CRYM: variants seen among roughly 807,000 people sequenced by gnomAD.
The protein encoded by CRYM is crystallin mu, also known as ketimine reductase mu-crystallin.
Under a neutral mutation model 32.9 loss-of-function variants are expected in CRYM, and 18 were observed. The observed-to-expected ratio is 0.55, with a 90% CI of 0.38 to 0.81. CRYM has a LOEUF of 0.81. CRYM is among the 30% of genes least tolerant of loss of function. The pLI, the probability that CRYM is intolerant of heterozygous loss-of-function variation, is 0.00. For synonymous variants in CRYM, 153 were observed against 152.4 expected (o/e 1.00, Z -0.03); for missense variants, 337 against 393.5 (o/e 0.86, Z 1.21).
upstream of CRYM, among the ~76,000 whole-genome samples, chr16:21,279,903 A>AAG (rs958676039): frequency 6.6e-6 from 1 of 151,552 alleles, no homozygotes; most frequent in Non-Finnish European, 1.5e-5. Flanking sequence ...CTGAGAGAGA[A>AAG]AGAGAGAGAG....
At chr16:21,261,208 C>A (rs1237572081) in intron 7 of CRYM, 46 bp downstream of exon 7, 1 of 1,454,880 alleles carries the variant, frequency 6.9e-7, no homozygotes, top group South Asian at 1.1e-5. Context: ...GGTGAACCTG[C>A]CTTGTGCGCT....
At chr16:21,274,642 T>G (rs2260482) in intron 3 of CRYM, among the ~76,000 whole-genome samples, 40,756 of 152,002 alleles carry the variant, frequency 0.27, 5,899 homozygotes, top group African/African-American at 0.36. Flanking sequence ...CACTCACTCT[T>G]TTGCCCAGGC....
intron 1 of CRYM, among the ~76,000 whole-genome samples, chr16:21,294,106 G>C (rs550311253): frequency 6.6e-6 from 1 of 152,244 alleles, no homozygotes; most frequent in African/African-American, 2.4e-5. Flanking sequence ...ATTTTGTCAG[G>C]ACTATGGAAA....
upstream of CRYM, chr16:21,278,299 T>A: frequency 1.3e-6 from 2 of 1,546,838 alleles, no homozygotes; most frequent in South Asian, 2.4e-5. Flanking sequence ...GCGATCCACG[T>A]ACCCTCGGCT....
chr16:21,259,395 A>G (rs1337282866), intron 7 of CRYM, among the ~76,000 whole-genome samples: 1 of 152,000 alleles, frequency 6.6e-6, no homozygotes, highest in Admixed American at 6.6e-5. Flanking sequence ...GGCATGAGCC[A>G]CCACGCCTGG....
Position 21,278,156 on chromosome 16 carries a change from G to T in CRYM, c.96C>A (p.Ala32=). ...CTCCTTCGGGACCGCTGGAGAAGTT[G>T]GCCAGGGCCGTCTCTAGAGGCGGGA... ...LLIPPLETAL[A]NFSSGPEGGV... is the part of the protein sequence containing the mutation. The change falls in exon 1 of 8, where the codon GCC becomes GCA. Residue 32 remains alanine (A), a synonymous_variant. Coordinates refer to ENST00000572914, the MANE Select transcript of CRYM (RefSeq NM_001376256.1). 1.3e-6 allele frequency: 2 copies of T among 1,552,996 alleles called. No homozygotes were observed.
chr16:21,274,762 C>T (rs1451620794), intron 3 of CRYM, among the ~76,000 whole-genome samples: 6 of 152,078 alleles, frequency 3.9e-5, no homozygotes, highest in East Asian at 1.9e-4. Context: ...CCCACCACCA[C>T]GACCAGCTAA....
rs1362041867 is a variant in CRYM at position 21,275,539 on chromosome 16, G to A, written c.380C>T (p.Ala127Val). Reference sequence around the variant, plus strand: ...GCCAGCCATTCATCTTACCTTGGTGGCAATGGCAGAAACTGCAGCTGTTCT... The same window carrying A: ...GCCAGCCATTCATCTTACCTTGGTGACAATGGCAGAAACTGCAGCTGTTCT... ...AKRTAAVSAIATKFLKPPSSE... is the reference protein window; with the variant it reads ...AKRTAAVSAIVTKFLKPPSSE... The change falls in exon 3 of 8, where the codon GCC becomes GTC. Residue 127 changes from alanine (A) to valine (V), a missense_variant. Transcript: ENST00000572914. 6.2e-7 allele frequency: 1 copy of A among 1,613,654 alleles called. No homozygotes were observed. Among genetic ancestry groups the A allele is most frequent in the South Asian group, 1.1e-5 (1 of 91,054 alleles).
At chr16:21,291,150 C>A (rs758297744) in intron 1 of CRYM, among the ~76,000 whole-genome samples, 11 of 152,158 alleles carry the variant, frequency 7.2e-5, no homozygotes, top group Non-Finnish European at 1.2e-4. Context: ...TCATATAAAG[C>A]ATGCTAACAT....
chr16:21,274,529 ATTAT>A (rs1163838905), intron 3 of CRYM, among the ~76,000 whole-genome samples: 5 of 152,164 alleles, frequency 3.3e-5, no homozygotes, highest in Non-Finnish European at 5.9e-5. Context: ...ATATGTACTA[ATTAT>A]TTAATTACAT....
chr16:21,261,935 G>T, intron 6 of CRYM, 102 bp downstream of exon 6: 1 of 1,443,602 alleles, frequency 6.9e-7, no homozygotes, highest in Non-Finnish European at 9.7e-7. Context: ...TGGGGTGGCT[G>T]AGGTCTGGAG....
upstream of CRYM, among the ~76,000 whole-genome samples, chr16:21,281,651 T>C (rs1002100513): frequency 6.6e-6 from 1 of 152,216 alleles, no homozygotes; most frequent in African/African-American, 2.4e-5. Flanking sequence ...TTCAGTAACT[T>C]TCTCCTGATA....
rs1003656382 is a variant in CRYM at position 21,272,966 on chromosome 16, C to T, written c.387+2566G>A. Reference sequence around the variant, plus strand: ...TGCAGGCGTGAGCCACTGCGCCCAGCCTATTGATGTGATCTTTGGACTATA... The same window carrying T: ...TGCAGGCGTGAGCCACTGCGCCCAGTCTATTGATGTGATCTTTGGACTATA... On this transcript the variant is annotated intron_variant, in intron 3 of 7. Transcript: ENST00000572914. Among the ~76,000 whole-genome samples, 5 of 151,744 alleles carry T rather than the reference C, an allele frequency of 3.3e-5. 1 individual carries two copies. In the East Asian group the frequency reaches 9.7e-4, roughly 29 times the overall value.
Position 21,267,534 on chromosome 16 carries a change from T to C in CRYM, c.673+20A>G, listed in dbSNP as rs373414355. On this transcript the variant is annotated intron_variant, in intron 5 of 7. Transcript: ENST00000572914. ...AGCCTGGCCACCACCCATCATGCCTTATGGAGCCACTCTACTTACCATTGA... is the reference window on the plus strand; with the variant it reads ...AGCCTGGCCACCACCCATCATGCCTCATGGAGCCACTCTACTTACCATTGA... The C allele has an allele frequency of 1.8e-5, 29 of 1,612,650 alleles. No homozygotes were observed. The African/African-American group carries it at 3.2e-4, about 18-fold the overall frequency.
chr16:21,263,040 T>G (rs898964530), intron 5 of CRYM, among the ~76,000 whole-genome samples: 3 of 152,216 alleles, frequency 2.0e-5, no homozygotes, highest in African/African-American at 7.2e-5. Context: ...TCTTTTAATA[T>G]CTATTTTTTT....
Position 21,277,567 on chromosome 16 carries a change from G to T in CRYM, c.188C>A (p.Pro63His), listed in dbSNP as rs1353467761. ...TGCATCCTCTGCAGCACTGTAGGCG[G>T]GCATGACCCCCAGGTAGCTACAAGG... ...TKHRGYLGVM[P>H]AYSAAEDALT... The change falls in exon 2 of 8, where the codon CCC becomes CAC. Residue 63 changes from proline to histidine, a missense_variant. Transcript: ENST00000572914. The surrounding 1 kb of genome is among the most constrained non-coding windows in gnomAD (Gnocchi z 4.2). 1 of 1,613,710 alleles carries T rather than the reference G, an allele frequency of 6.2e-7. No individual in the cohort carries two copies. The highest frequency in any genetic ancestry group is 1.3e-5 in the African/African-American group (1 of 74,888).
At chr16:21,263,076 G>A (rs1267062723) in intron 5 of CRYM, among the ~76,000 whole-genome samples, 1 of 152,042 alleles carries the variant, frequency 6.6e-6, no homozygotes, top group Non-Finnish European at 1.5e-5. Flanking sequence ...GTCTCACTCT[G>A]TTGCCCAGGC....
chr16:21,259,048 C>T (rs1270690028), intron 7 of CRYM, among the ~76,000 whole-genome samples: 2 of 151,962 alleles, frequency 1.3e-5, no homozygotes, highest in African/African-American at 4.8e-5. Flanking sequence ...CACCCACCAA[C>T]AAATTGTGCA....
At chr16:21,282,585 A>G (rs226033), upstream of CRYM, among the ~76,000 whole-genome samples, 92,414 of 152,010 alleles carry the variant, frequency 0.61, 30,424 homozygotes, top group African/African-American at 0.87. Flanking sequence ...TCTGACTCCC[A>G]CATTACTAGA....
Sources: allele counts gnomAD v4.1 joint callset (sites outside exome capture counted in the v4.1 genomes callset), GRCh38; gene constraint gnomAD v4.1.1; non-coding constraint Gnocchi (gnomAD v3.1); transcripts MANE v1.5; gene names NCBI Gene and HGNC (gene_info 2026-07-23, HGNC 2026-07-21).